The following RYR2 variants were observed in gnomAD, a reference collection of about 807,000 sequenced individuals.
The protein encoded by RYR2 is cardiac muscle ryanodine receptor-calcium release channel.
A neutral mutation model predicts 601.1 loss-of-function variants in RYR2; 227 were observed. That is an observed-to-expected ratio of 0.38 (90% CI 0.34 to 0.42). The LOEUF (loss-of-function observed/expected upper bound fraction) is 0.42. Among genes scored for constraint, RYR2 ranks in the 10% least tolerant of loss-of-function variants. The pLI, the probability that RYR2 is intolerant of heterozygous loss-of-function variation, is 1.00. For missense variants in RYR2, 4,646 were observed against 6,156.5 expected, an observed-to-expected ratio of 0.75 and a Z score of 8.21; for synonymous variants, 2,223 against 2,175.1, an observed-to-expected ratio of 1.02 and a Z score of -0.61.
rs754494772 is a variant in RYR2, at chr1:237,627,980, G to C, written c.6340G>C (p.Glu2114Gln). 6.2e-7 allele frequency: 1 copy of C among 1,613,926 alleles called. No homozygotes were observed. Among genetic ancestry groups the C allele is most frequent in the South Asian group, 1.1e-5 (1 of 91,082 alleles). ...KTYTINGVSV[E>Q]DTINLLASLG... ...CTACACGATAAATGGTGTGTCCGTG[G>C]AGGACACCATCAACCTGCTGGCATC... The change falls in exon 41 of 105, where the codon GAG (glutamate) becomes CAG (glutamine). Residue 2114 changes from glutamate (E) to glutamine (Q), a missense_variant. Glu to Gln is a conservative substitution (Grantham distance 29). This residue lies in a region of RYR2 where 170 missense variants were observed against 184.5 expected (regional missense o/e 0.92). Transcript: ENST00000366574.
intron 19 of RYR2, among the ~76,000 whole-genome samples, chr1:237,495,278 G>A (rs1324219000): frequency 1.3e-5 from 2 of 152,148 alleles, no homozygotes; most frequent in Admixed American, 1.3e-4. Flanking sequence ...GGGTCACAGA[G>A]CTAGCAAATG....
chr1:237,298,057 C>G (rs1018065509), intron 2 of RYR2, among the ~76,000 whole-genome samples: 1 of 151,768 alleles, frequency 6.6e-6, no homozygotes, highest in African/African-American at 2.4e-5. Context: ...CAGTGCCCAG[C>G]CATAATGTTT....
intron 15 of RYR2, among the ~76,000 whole-genome samples, chr1:237,456,180 T>C (rs1213303602): frequency 6.6e-6 from 1 of 152,144 alleles, no homozygotes; most frequent in Non-Finnish European, 1.5e-5. Flanking sequence ...TTCACGATAA[T>C]GCAAAAATGC....
intron 17 of RYR2, among the ~76,000 whole-genome samples, chr1:237,485,737 A>G (rs890299359): frequency 6.6e-6 from 1 of 152,212 alleles, no homozygotes; most frequent in Non-Finnish European, 1.5e-5. Context: ...TATGATTCAT[A>G]TGTAGGTATA....
intron 1 of RYR2, among the ~76,000 whole-genome samples, chr1:237,219,963 T>C (rs1050757534): frequency 3.3e-5 from 5 of 152,244 alleles, no homozygotes; most frequent in African/African-American, 4.8e-5. Context: ...GTTCAGCACA[T>C]ACCTGTCATG....
intron 1 of RYR2, among the ~76,000 whole-genome samples, chr1:237,104,002 C>G (rs1668405991): frequency 6.7e-6 from 1 of 149,650 alleles, no homozygotes; most frequent in Non-Finnish European, 1.5e-5. Context: ...CTGTGTCATC[C>G]CGGGCTGAAG....
At chr1:237,054,526 T>C (rs1320439859) in intron 1 of RYR2, among the ~76,000 whole-genome samples, 1 of 152,040 alleles carries the variant, frequency 6.6e-6, no homozygotes, top group Non-Finnish European at 1.5e-5. Flanking sequence ...TTCTTGATTA[T>C]AGAAAATGCA....
chr1:237,794,516 AC>A (rs1658859027), intron 95 of RYR2, among the ~76,000 whole-genome samples: 1 of 152,224 alleles, frequency 6.6e-6, no homozygotes, highest in Admixed American at 6.5e-5. Flanking sequence ...TATCCAATAA[AC>A]ATTTAGCCCT....
chr1:237,492,290 C>G (rs908432182), intron 18 of RYR2, among the ~76,000 whole-genome samples: 50 of 152,320 alleles, frequency 3.3e-4, no homozygotes, highest in African/African-American at 1.1e-3. Context: ...CCTTGGCCTC[C>G]CAAAATTCTG....
intron 1 of RYR2, among the ~76,000 whole-genome samples, chr1:237,158,683 T>C (rs936004588): frequency 6.6e-6 from 1 of 152,144 alleles, no homozygotes; most frequent in Non-Finnish European, 1.5e-5. Context: ...AAACTAATAG[T>C]CTGTGAGCTC....
intron 49 of RYR2, 116 bp downstream of exon 49, chr1:237,648,729 T>C: frequency 8.3e-7 from 1 of 1,200,476 alleles, no homozygotes; most frequent in East Asian, 2.6e-5. Context: ...ATTGAGTACC[T>C]GTTATATTTT....
chr1:237,201,274 G>A (rs147419476), intron 1 of RYR2, among the ~76,000 whole-genome samples: 3 of 152,282 alleles, frequency 2.0e-5, no homozygotes, highest in African/African-American at 7.2e-5. Context: ...GTCACATTGA[G>A]GTCCTGGCAC....
At chr1:237,727,395 A>T (rs1412255930) in intron 76 of RYR2, among the ~76,000 whole-genome samples, 196 bp downstream of exon 76, 1 of 152,140 alleles carries the variant, frequency 6.6e-6, no homozygotes, top group African/African-American at 2.4e-5. Flanking sequence ...TAATTATTAA[A>T]TGACTCTTAC....
chr1:237,362,025 G>A lies in RYR2; in HGVS notation c.295-2333G>A, dbSNP rs73102432. Among the ~76,000 whole-genome samples the A allele has an allele frequency of 6.5e-3, 988 of 152,220 alleles. 17 individuals are homozygous for A. Among genetic ancestry groups the A allele is most frequent in the African/African-American group, 0.021 (884 of 41,524 alleles). On this transcript the variant is annotated intron_variant, in intron 4 of 104. Coordinates refer to ENST00000366574, the MANE Select transcript of RYR2 (RefSeq NM_001035.3). Reference sequence around the variant, plus strand: ...TGTCATCCATTTGACACCCAGGGCCGTCTATGTGTTAAAATGTAGCAATAG... The same window carrying A: ...TGTCATCCATTTGACACCCAGGGCCATCTATGTGTTAAAATGTAGCAATAG...
chr1:237,472,185 TAA>T (rs887915335), intron 17 of RYR2, among the ~76,000 whole-genome samples: 10 of 152,226 alleles, frequency 6.6e-5, no homozygotes. Flanking sequence ...TGTATGTATA[TAA>T]CTTATTTCAA....
chr1:237,570,354 T>C (rs1672552788), intron 29 of RYR2, among the ~76,000 whole-genome samples: 1 of 121,498 alleles, frequency 8.2e-6, no homozygotes, highest in East Asian at 2.2e-4. Flanking sequence ...TTTTTTTTTT[T>C]TGAGTCAGAG....
At chr1:237,670,670 T>C (rs2148894045) in intron 58 of RYR2, among the ~76,000 whole-genome samples, 1 of 152,322 alleles carries the variant, frequency 6.6e-6, no homozygotes, top group South Asian at 2.1e-4. Context: ...AAATTAAAAA[T>C]AATAAGCAGC....
chr1:237,790,759 C>T (rs1370609539), intron 92 of RYR2, among the ~76,000 whole-genome samples: 1 of 152,214 alleles, frequency 6.6e-6, no homozygotes, highest in African/African-American at 2.4e-5. Context: ...CCATATCCCA[C>T]ACTAGGAAAT....
At chr1:237,523,477 A>G (rs552717535) in intron 24 of RYR2, among the ~76,000 whole-genome samples, 21 of 152,300 alleles carry the variant, frequency 1.4e-4, no homozygotes, top group African/African-American at 4.1e-4. Flanking sequence ...GCTCACGCCT[A>G]TAATTCCAGC....
Sources: gnomAD v4.1 joint callset for allele counts (sites outside exome capture counted in the v4.1 genomes callset) on GRCh38, gnomAD v4.1.1 for gene constraint, gnomAD v4.1.1 regional missense constraint, MANE v1.5 for transcripts, NCBI Gene and HGNC (gene_info 2026-07-23, HGNC 2026-07-21) for gene names.